Variants in ATG4C observed in about 807,000 individuals in gnomAD.
ATG4C encodes the protein cysteine protease ATG4C.
ATG4C carries 56 observed loss-of-function variants against 57.6 expected under a neutral mutation model. The ratio of observed to expected loss-of-function variants is 0.97; its 90% confidence interval spans 0.78 to 1.21. The LOEUF (loss-of-function observed/expected upper bound fraction) is 1.21. ATG4C is among the 50% of genes most tolerant of loss of function. The pLI is 0.00. For missense variants in ATG4C, 595 were observed against 529.8 expected (o/e 1.12, Z -1.21); for synonymous variants, 157 against 174.1 (o/e 0.90, Z 0.78).
At chr1:62,787,409 A>G (rs955494475) in intron 1 of ATG4C, among the ~76,000 whole-genome samples, 1 of 152,118 alleles carries the variant, frequency 6.6e-6, no homozygotes, top group Non-Finnish European at 1.5e-5. Flanking sequence ...TTTTCACTTG[A>G]GATTTGGTAG....
At chr1:62,862,217 T>G (rs888167720) in intron 10 of ATG4C, among the ~76,000 whole-genome samples, 3 of 152,160 alleles carry the variant, frequency 2.0e-5, no homozygotes, top group African/African-American at 7.2e-5. Context: ...TAGATGCATT[T>G]TTAAATTAAA....
intron 1 of ATG4C, among the ~76,000 whole-genome samples, chr1:62,801,207 G>A (rs1486902229): frequency 2.0e-5 from 3 of 152,190 alleles, no homozygotes; most frequent in Non-Finnish European, 2.9e-5. Flanking sequence ...ACTATGCCAA[G>A]TGCTAGGGGT....
At chr1:62,785,135 T>A (rs1375361271) in intron 1 of ATG4C, 1 of 152,250 alleles carries the variant, frequency 6.6e-6, no homozygotes, top group Non-Finnish European at 1.5e-5. Context: ...GGTGGGTTTT[T>A]GGCAATGATT....
At chr1:62,803,582 TTC>T (rs1254469235) in intron 1 of ATG4C, 135 bp from the exon 2 acceptor site, 1 of 345,944 alleles carries the variant, frequency 2.9e-6, no homozygotes, top group Non-Finnish European at 5.4e-6. Flanking sequence ...TTCTGTTTAT[TTC>T]TGAGTATAAA....
At chr1:62,787,397 T>C (rs1664127743) in intron 1 of ATG4C, among the ~76,000 whole-genome samples, 1 of 152,250 alleles carries the variant, frequency 6.6e-6, no homozygotes, top group South Asian at 2.1e-4. Flanking sequence ...ATGCCATCTT[T>C]ATTTTCACTT....
chr1:62,788,015 A>G (rs1174756387), intron 1 of ATG4C, among the ~76,000 whole-genome samples: 2 of 152,134 alleles, frequency 1.3e-5, no homozygotes, highest in East Asian at 1.9e-4. Context: ...CTTATTCACT[A>G]TTGTCCCAGA....
rs750808658 is a variant in ATG4C, at chr1:62,864,188, G to A, written c.*29G>A. The A allele has an allele frequency of 6.5e-7, 1 of 1,547,002 alleles. No homozygotes were observed. The highest frequency in any genetic ancestry group is 8.7e-7 in the Non-Finnish European group (1 of 1,151,904). ...TTAGCACATTTGTGCTTGATAAGAA[G>A]AATTCCATTGAAAGGGGAAAAATGA... On this transcript the variant is annotated 3_prime_UTR_variant, in exon 11 of 11. Coordinates refer to ENST00000317868, the MANE Select transcript of ATG4C (RefSeq NM_032852.4).
intron 1 of ATG4C, among the ~76,000 whole-genome samples, chr1:62,785,583 A>C (rs1664056288): frequency 6.6e-6 from 1 of 152,194 alleles, no homozygotes; most frequent in Non-Finnish European, 1.5e-5. Context: ...CTGTTCACTA[A>C]TGTTTTATAA....
At chr1:62,810,337 A>C (rs1204191510) in intron 3 of ATG4C, among the ~76,000 whole-genome samples, 8 of 152,206 alleles carry the variant, frequency 5.3e-5, no homozygotes, top group Non-Finnish European at 5.9e-5. Flanking sequence ...ACTTTGGTGA[A>C]TTTCTAGTTC....
intron 5 of ATG4C, 68 bp downstream of exon 5, chr1:62,819,403 CA>C: frequency 7.8e-7 from 1 of 1,284,592 alleles, no homozygotes; most frequent in South Asian, 1.6e-5. Flanking sequence ...CTGATTTTTG[CA>C]ATGTGTATAT....
chr1:62,845,598 A>G (rs1391445325), intron 10 of ATG4C, among the ~76,000 whole-genome samples: 3 of 152,172 alleles, frequency 2.0e-5, no homozygotes, highest in Non-Finnish European at 4.4e-5. Flanking sequence ...TGAATTTTGT[A>G]TCAAAGAAAT....
At chr1:62,797,116 G>T (rs1461116371) in intron 1 of ATG4C, among the ~76,000 whole-genome samples, 1 of 149,140 alleles carries the variant, frequency 6.7e-6, no homozygotes, top group African/African-American at 2.5e-5. Context: ...CGGGGAAAAA[G>T]AAAAAAAAAG....
chr1:62,824,168 T>G (rs1001958618), intron 6 of ATG4C, among the ~76,000 whole-genome samples: 5 of 152,240 alleles, frequency 3.3e-5, no homozygotes, highest in African/African-American at 1.2e-4. Flanking sequence ...ACACCAAACA[T>G]TTGGGCTAGA....
rs1384796603 is a variant in ATG4C at position 62,828,074 on chromosome 1, T to C, written c.797-966T>C. 3.3e-5 allele frequency among the ~76,000 whole-genome samples: 5 copies of C among 152,280 alleles called. No homozygotes were observed. In the East Asian group the frequency reaches 9.6e-4, roughly 29 times the overall value. On this transcript the variant is annotated intron_variant, in intron 6 of 10. Coordinates refer to ENST00000317868, the MANE Select transcript of ATG4C (RefSeq NM_032852.4). ...GTGAGATGGGCACTTAGGTTGATTC[T>C]GTGTCTTTGCTATTGTGAATAGTGC... is the stretch of plus-strand genomic sequence containing the variant.
chr1:62,799,852 G>A (rs58583743), intron 1 of ATG4C, among the ~76,000 whole-genome samples: 32,073 of 151,206 alleles, frequency 0.21, 4,252 homozygotes, highest in African/African-American at 0.36. Flanking sequence ...ATCAAATACT[G>A]GGTCATATTC....
rs145604000 is a variant in ATG4C, at chr1:62,795,829, T to C, written c.-68-7890T>C. Among the ~76,000 whole-genome samples, 1,480 of 151,388 alleles carry C rather than the reference T, an allele frequency of 9.8e-3. 27 individuals carry two copies. Among genetic ancestry groups the C allele is most frequent in the African/African-American group, 0.035 (1,417 of 41,010 alleles). ...CTAGGCAACAGAGGGAGACCCCTTT[T>C]TACTTAAAAAAAAAAAAAAGAAGAG... is the stretch of plus-strand genomic sequence containing the variant. On this transcript the variant is annotated intron_variant, in intron 1 of 10. Transcript: ENST00000317868.
intron 9 of ATG4C, among the ~76,000 whole-genome samples, chr1:62,838,565 G>A (rs998856768): frequency 2.6e-5 from 4 of 152,084 alleles, no homozygotes; most frequent in African/African-American, 9.7e-5. Flanking sequence ...ATCACCTGAG[G>A]TCAGGAGTTT....
chr1:62,859,012 C>T (rs544654393), intron 10 of ATG4C, among the ~76,000 whole-genome samples: 5 of 152,146 alleles, frequency 3.3e-5, no homozygotes, highest in South Asian at 2.1e-4. Flanking sequence ...CATTGTTGTG[C>T]GAACATAATT....
intron 3 of ATG4C, among the ~76,000 whole-genome samples, chr1:62,809,046 G>A (rs1005152977): frequency 7.2e-5 from 11 of 152,024 alleles, no homozygotes; most frequent in African/African-American, 2.2e-4. Context: ...TGATCTTCCC[G>A]TCTCAGTCTC....
Sources: gnomAD v4.1 joint callset for allele counts (sites outside exome capture counted in the v4.1 genomes callset) on GRCh38, gnomAD v4.1.1 for gene constraint, MANE v1.5 for transcripts, NCBI Gene and HGNC (gene_info 2026-07-23, HGNC 2026-07-21) for gene names.